The following C16orf87 variants were observed in gnomAD, a reference collection of about 807,000 sequenced individuals.
C16orf87 encodes UPF0547 protein C16orf87.
A neutral mutation model predicts 21.0 loss-of-function variants in C16orf87; 13 were observed. The ratio of observed to expected loss-of-function variants is 0.62; its 90% CI spans 0.40 to 0.98. The LOEUF (loss-of-function observed/expected upper bound fraction) is 0.98, where lower values mean the gene tolerates loss of function less well. Ranked by LOEUF, C16orf87 falls within the 50% of genes least tolerant of loss-of-function variation. The pLI is 0.00. For synonymous variants in C16orf87, 49 were observed against 60.2 expected (o/e 0.81, Z 0.86); for missense variants, 113 against 180.4 (o/e 0.63, Z 2.14).
intron 1 of C16orf87, among the ~76,000 whole-genome samples, chr16:46,830,391 T>C (rs1484343696): frequency 7.1e-6 from 1 of 141,398 alleles, no homozygotes; most frequent in Non-Finnish European, 1.5e-5. Flanking sequence ...CTGCGAGGGG[T>C]GGGGAAGTTA....
intron 3 of C16orf87, among the ~76,000 whole-genome samples, chr16:46,804,567 C>T (rs1967868151): frequency 6.6e-6 from 1 of 152,102 alleles, no homozygotes; most frequent in Non-Finnish European, 1.5e-5. Context: ...ACTACTGGTG[C>T]CATTGTTGAG....
At chr16:46,805,849 T>A (rs1282708293) in intron 3 of C16orf87, among the ~76,000 whole-genome samples, 1 of 152,214 alleles carries the variant, frequency 6.6e-6, no homozygotes, top group Non-Finnish European at 1.5e-5. Flanking sequence ...ATGTTCAAAC[T>A]TTTTTACTTT....
At chr16:46,808,980 G>C (rs1968002453) in intron 3 of C16orf87, among the ~76,000 whole-genome samples, 1 of 128,324 alleles carries the variant, frequency 7.8e-6, no homozygotes, top group African/African-American at 3.0e-5. Context: ...ATAATAGTTT[G>C]AAGTAGTCTT....
intron 2 of C16orf87, among the ~76,000 whole-genome samples, chr16:46,817,088 T>C (rs1173942756): frequency 6.6e-6 from 1 of 152,134 alleles, no homozygotes; most frequent in Non-Finnish European, 1.5e-5. Context: ...AAGGCAATCC[T>C]AACATGATCC....
At chr16:46,831,007 C>T in intron 1 of C16orf87, 77 bp downstream of exon 1, 2 of 1,218,346 alleles carry the variant, frequency 1.6e-6, no homozygotes. Context: ...CTCCGGGAGC[C>T]CGGCGAGGCC....
At chr16:46,820,428 G>A (rs1473485113) in intron 2 of C16orf87, among the ~76,000 whole-genome samples, 1 of 152,072 alleles carries the variant, frequency 6.6e-6, no homozygotes, top group Non-Finnish European at 1.5e-5. Context: ...ATTTTGTGGG[G>A]TTTTAAAAAC....
intron 2 of C16orf87, among the ~76,000 whole-genome samples, chr16:46,820,731 C>T (rs1205002942): frequency 1.3e-5 from 2 of 152,164 alleles, no homozygotes; most frequent in East Asian, 1.9e-4. Context: ...AAGAGCTCTG[C>T]ATTCTAGGTT....
At chr16:46,820,645 T>G (rs944764638) in intron 2 of C16orf87, among the ~76,000 whole-genome samples, 2 of 152,222 alleles carry the variant, frequency 1.3e-5, no homozygotes, top group Admixed American at 1.3e-4. Context: ...TTATAAAGTG[T>G]TGCCTTGAAA....
chr16:46,831,167 G>A lies in C16orf87; in HGVS notation c.-18C>T. ...GCAGACATGCTCCTCTCCCTTAGCG[G>A]CGGCAGCAGCGACGGCTCGGGCTCC... is the stretch of plus-strand genomic sequence containing the variant. On this transcript the variant is annotated 5_prime_UTR_variant, in exon 1 of 4. Coordinates refer to ENST00000285697, the MANE Select transcript of C16orf87 (RefSeq NM_001001436.4). 1 of 1,552,658 alleles carries A rather than the reference G, an allele frequency of 6.4e-7. No homozygotes were observed. The highest frequency in any genetic ancestry group is 1.2e-5 in the South Asian group (1 of 85,714).
intron 1 of C16orf87, 21 bp downstream of exon 1, chr16:46,831,063 C>T: frequency 6.4e-7 from 1 of 1,553,172 alleles, no homozygotes; most frequent in Admixed American, 1.8e-5. Flanking sequence ...CCCGCCCGCG[C>T]GCCCGGCCCC....
At chr16:46,820,324 T>G (rs1289860446) in intron 2 of C16orf87, among the ~76,000 whole-genome samples, 1 of 152,244 alleles carries the variant, frequency 6.6e-6, no homozygotes, top group African/African-American at 2.4e-5. Context: ...AGATGTTTAC[T>G]TATGCAAACA....
chr16:46,822,206 A>G (rs990249879), intron 2 of C16orf87, among the ~76,000 whole-genome samples: 1 of 152,186 alleles, frequency 6.6e-6, no homozygotes, highest in Non-Finnish European at 1.5e-5. Context: ...ATAAGCCATC[A>G]TGCCTGGCCC....
intron 1 of C16orf87, among the ~76,000 whole-genome samples, chr16:46,826,943 T>C (rs1959642980): frequency 6.6e-6 from 1 of 152,228 alleles, no homozygotes; most frequent in Admixed American, 6.5e-5. Flanking sequence ...TAAATTTGAA[T>C]TTGGGTTTCA....
At chr16:46,828,322 G>C (rs570204144) in intron 1 of C16orf87, among the ~76,000 whole-genome samples, 1 of 151,964 alleles carries the variant, frequency 6.6e-6, no homozygotes, top group South Asian at 2.1e-4. Flanking sequence ...ACTTATACCA[G>C]ACATATTTTA....
At chr16:46,811,404 G>A (rs1300514828) in intron 2 of C16orf87, among the ~76,000 whole-genome samples, 1 of 151,806 alleles carries the variant, frequency 6.6e-6, no homozygotes, top group African/African-American at 2.4e-5. Context: ...TTGGGAGGCT[G>A]AGACAGGAGA....
chr16:46,812,352 A>T (rs1377193608), intron 2 of C16orf87, among the ~76,000 whole-genome samples: 2 of 152,220 alleles, frequency 1.3e-5, no homozygotes, highest in East Asian at 1.9e-4. Context: ...GAAAAGTGAA[A>T]ATGTGAACAC....
chr16:46,807,262 G>A (rs894143357), intron 3 of C16orf87, among the ~76,000 whole-genome samples: 7 of 151,946 alleles, frequency 4.6e-5, no homozygotes, highest in African/African-American at 1.7e-4. Context: ...GCAACATAGT[G>A]AGACCTCATT....
At chr16:46,822,263 T>C (rs1280800516) in intron 2 of C16orf87, among the ~76,000 whole-genome samples, 1 of 152,188 alleles carries the variant, frequency 6.6e-6, no homozygotes, top group African/African-American at 2.4e-5. Context: ...ATTTCTCATC[T>C]GAATCACTGG....
intron 1 of C16orf87, among the ~76,000 whole-genome samples, chr16:46,824,684 G>C (rs112734416): frequency 2.0e-5 from 1 of 50,336 alleles, no homozygotes; most frequent in South Asian, 7.2e-4. Context: ...TTTTTTTTTT[G>C]AGACGGAGTC....
Sources: gnomAD v4.1 joint callset for allele counts (sites outside exome capture counted in the v4.1 genomes callset) on GRCh38, gnomAD v4.1.1 for gene constraint, MANE v1.5 for transcripts, NCBI Gene and HGNC (gene_info 2026-07-23, HGNC 2026-07-21) for gene names.